EPHB2: variants seen among roughly 807,000 people sequenced by gnomAD.
EPHB2 encodes ephrin type-B receptor 2.
A neutral mutation model predicts 96.4 loss-of-function variants in EPHB2; 18 were observed. The ratio of observed to expected loss-of-function variants is 0.19; its 90% confidence interval spans 0.13 to 0.28. EPHB2 has a LOEUF of 0.28. EPHB2 is among the 10% of genes least tolerant of loss of function. The pLI, the probability that EPHB2 is intolerant of heterozygous loss-of-function variation, is 1.00. For synonymous variants in EPHB2, 506 were observed against 534.1 expected (o/e 0.95, Z 0.72); for missense variants, 989 against 1,355.4 (o/e 0.73, Z 4.25).
Position 22,813,856 on chromosome 1 carries a change from C to T in EPHB2, c.811+28780C>T, listed in dbSNP as rs570632296. On this transcript the variant is annotated intron_variant, in intron 3 of 15. Transcript: ENST00000374630. ...ATGCCCTCTGGCCCTCCAAAGACCACACCCCTGTATCTGAGGCTCAGAAAT... is the reference window on the plus strand; with the variant it reads ...ATGCCCTCTGGCCCTCCAAAGACCATACCCCTGTATCTGAGGCTCAGAAAT... Among the ~76,000 whole-genome samples, 14 of 152,336 alleles carry T rather than the reference C, an allele frequency of 9.2e-5. No individual in the cohort carries two copies. In the South Asian group the frequency reaches 1.2e-3, roughly 14 times the overall value.
chr1:22,866,277 G>A (rs1638474285), intron 5 of EPHB2, among the ~76,000 whole-genome samples: 1 of 152,116 alleles, frequency 6.6e-6, no homozygotes, highest in South Asian at 2.1e-4. Flanking sequence ...AGGGAGGCCA[G>A]GCTGCAAGAG....
At chr1:22,803,954 G>T (rs1447802858) in intron 3 of EPHB2, among the ~76,000 whole-genome samples, 2 of 151,820 alleles carry the variant, frequency 1.3e-5, no homozygotes, top group African/African-American at 2.4e-5. Context: ...TGGTTAGGAG[G>T]CCACAGTGCC....
chr1:22,756,025 C>G (rs1644144186), intron 1 of EPHB2, among the ~76,000 whole-genome samples: 1 of 152,010 alleles, frequency 6.6e-6, no homozygotes, highest in Non-Finnish European at 1.5e-5. Flanking sequence ...ACCCTGGGCA[C>G]GCAGATGTTC....
chr1:22,715,215 T>C (rs557656030), intron 1 of EPHB2, among the ~76,000 whole-genome samples: 1 of 152,310 alleles, frequency 6.6e-6, no homozygotes, highest in South Asian at 2.1e-4. Context: ...GGGAAGTCCA[T>C]CTGGCAGAGG....
Position 22,908,081 on chromosome 1 carries a change from C to T in EPHB2, c.2265C>T (p.Asn755=), listed in dbSNP as rs141476431. 11 of 1,614,142 alleles carry T rather than the reference C, an allele frequency of 6.8e-6. No individual in the cohort carries two copies. The African/African-American group carries it at 1.2e-4, about 18-fold the overall frequency. Residue 755 remains asparagine (N), a synonymous_variant, in exon 12 of 16, where the codon AAC becomes AAT. Transcript: ENST00000374630. The part of the protein sequence containing the change: ...RDLAARNILV[N]SNLVCKVSDF... ...TGGCTGCCCGCAACATCCTCGTCAA[C>T]AGCAACCTGGTCTGCAAGGTGTCGG...
intron 6 of EPHB2, 28 bp from the exon 7 acceptor site, chr1:22,892,856 A>G: frequency 6.2e-7 from 1 of 1,614,176 alleles, no homozygotes; most frequent in South Asian, 1.1e-5. Flanking sequence ...CCACAACCTC[A>G]CTAATTTTCT....
chr1:22,718,041 G>T (rs189490977), intron 1 of EPHB2, among the ~76,000 whole-genome samples: 1 of 152,084 alleles, frequency 6.6e-6, no homozygotes, highest in African/African-American at 2.4e-5. Flanking sequence ...AAATGTGAAC[G>T]GTTGCTATCC....
In EPHB2 at chr1:22,858,368, T is replaced by G. The variant is rs765292643; in HGVS notation, c.812-4669T>G. 3.9e-5 allele frequency among the ~76,000 whole-genome samples: 6 copies of G among 152,118 alleles called. No individual in the cohort carries two copies. Among genetic ancestry groups the G allele is most frequent in the Non-Finnish European group, 7.4e-5 (5 of 68,024 alleles). On this transcript the variant is annotated intron_variant, in intron 3 of 15. Coordinates refer to ENST00000374630, the MANE Select transcript of EPHB2 (RefSeq NM_017449.5). This position sits in a 1 kb window ranked among gnomAD's most constrained non-coding sequence, Gnocchi z 7.7. ...TTAGACAAGATGCCGCAGGTCTGAT[T>G]CATTTTAAACAGATCACTCCAGGGA... is the stretch of plus-strand genomic sequence containing the variant.
At chr1:22,737,096 G>C (rs1373607271) in intron 1 of EPHB2, among the ~76,000 whole-genome samples, 3 of 152,174 alleles carry the variant, frequency 2.0e-5, no homozygotes, top group Non-Finnish European at 4.4e-5. Context: ...GTTCTCAGGA[G>C]AGACCACCAG....
Position 22,912,576 on chromosome 1 carries a change from C to T in EPHB2, c.2829C>T (p.Asp943=), listed in dbSNP as rs573831340. The change falls in exon 15 of 16, where the codon GAC becomes GAT. Residue 943 remains aspartate (D), a synonymous_variant. Coordinates refer to ENST00000374630, the MANE Select transcript of EPHB2 (RefSeq NM_017449.5). The stretch of plus-strand genomic sequence containing the variant: ...CCAATGCCGGCTTCACCTCCTTTGA[C>T]GTCGTGTCTCAGATGATGATGGAGT... ...SFANAGFTSF[D]VVSQMMMEDI... 7.3e-5 allele frequency: 118 copies of T among 1,614,018 alleles called. No individual in the cohort carries two copies. The Admixed American group carries it at 1.3e-3, about 17-fold the overall frequency.
At chr1:22,766,619 G>A (rs1644311060) in intron 1 of EPHB2, among the ~76,000 whole-genome samples, 1 of 152,156 alleles carries the variant, frequency 6.6e-6, no homozygotes, top group African/African-American at 2.4e-5. Context: ...TATGGTGGTT[G>A]GGGGGAGGAG....
At chr1:22,905,814 G>A (rs946708204) in intron 9 of EPHB2, among the ~76,000 whole-genome samples, 173 bp from the exon 10 acceptor site, 4 of 152,152 alleles carry the variant, frequency 2.6e-5, no homozygotes, top group Admixed American at 6.5e-5. Flanking sequence ...CTCAGTTCAC[G>A]CCCATCTGCT....
chr1:22,726,545 T>C (rs1438283020), intron 1 of EPHB2, among the ~76,000 whole-genome samples: 2 of 152,026 alleles, frequency 1.3e-5, no homozygotes, highest in Non-Finnish European at 2.9e-5. Flanking sequence ...CTCAGTCTCC[T>C]GAGTAGCTGG....
chr1:22,775,195 T>G (rs1561624), intron 1 of EPHB2: 629,671 of 779,576 alleles, frequency 0.81, 260,080 homozygotes, highest in Non-Finnish European at 0.86. Context: ...GTTGTGAAAA[T>G]AGATGGATGT....
At chr1:22,748,401 A>G (rs906209977) in intron 1 of EPHB2, among the ~76,000 whole-genome samples, 9 of 143,102 alleles carry the variant, frequency 6.3e-5, no homozygotes, top group Non-Finnish European at 1.4e-4. Flanking sequence ...CTTTTTTTTG[A>G]GATGGAGTCT....
chr1:22,751,522 G>T (rs1644062963), intron 1 of EPHB2, among the ~76,000 whole-genome samples: 1 of 152,134 alleles, frequency 6.6e-6, no homozygotes, highest in African/African-American at 2.4e-5. Flanking sequence ...AGCCTGAGTG[G>T]GGAGCTCTGT....
chr1:22,803,524 T>C (rs1570306937), intron 3 of EPHB2, among the ~76,000 whole-genome samples: 1 of 151,596 alleles, frequency 6.6e-6, no homozygotes, highest in Non-Finnish European at 1.5e-5. Context: ...GGAGGATCAC[T>C]TGGGCCAGGA....
chr1:22,745,892 C>T lies in EPHB2; in HGVS notation c.61+34849C>T, dbSNP rs1643967772. 2.0e-5 allele frequency among the ~76,000 whole-genome samples: 3 copies of T among 152,182 alleles called. No individual in the cohort carries two copies. In the South Asian group the frequency reaches 6.2e-4, roughly 32 times the overall value. The stretch of plus-strand genomic sequence containing the variant: ...ACGCTGCTCTGGATTCTGTGACAAT[C>T]TGCAGCTTATCTTTCAAAGCCTATC... On this transcript the variant is annotated intron_variant, in intron 1 of 15. Coordinates refer to ENST00000374630, the MANE Select transcript of EPHB2 (RefSeq NM_017449.5).
chr1:22,892,720 A>G (rs923029573), intron 6 of EPHB2, 164 bp from the exon 7 acceptor site: 10 of 913,094 alleles, frequency 1.1e-5, no homozygotes, highest in African/African-American at 8.1e-5. Flanking sequence ...GAAAAGTAAC[A>G]TGGCAAAAGG....
Sources: gnomAD v4.1 joint callset for allele counts (sites outside exome capture counted in the v4.1 genomes callset) on GRCh38, gnomAD v4.1.1 for gene constraint, Gnocchi (gnomAD v3.1) non-coding constraint, MANE v1.5 for transcripts, NCBI Gene and HGNC (gene_info 2026-07-23, HGNC 2026-07-21) for gene names.